SEC16B: variants seen among roughly 807,000 people sequenced by gnomAD.
SEC16B encodes the protein SEC16 homolog B, endoplasmic reticulum export factor.
In SEC16B, 115 loss-of-function variants were observed where a neutral mutation model predicts 141.8. The ratio of observed to expected loss-of-function variants is 0.81; its 90% CI spans 0.70 to 0.95. The LOEUF is 0.95. Among genes scored for constraint, SEC16B ranks in the 40% least tolerant of loss-of-function variants. SEC16B has a pLI of 0.00. For synonymous variants in SEC16B, 493 were observed against 492.5 expected (o/e 1.00, Z -0.01); for missense variants, 1,291 against 1,312.3 (o/e 0.98, Z 0.25).
chr1:177,951,230 C>T (rs1275096608), intron 12 of SEC16B, among the ~76,000 whole-genome samples: 1 of 152,004 alleles, frequency 6.6e-6, no homozygotes, highest in Non-Finnish European at 1.5e-5. Flanking sequence ...TGAACTCTAA[C>T]ATATGAATGT....
Position 177,960,411 on chromosome 1 carries a change from A to T in SEC16B, c.937-8T>A. On this transcript the variant is annotated splice_region_variant and splice_polypyrimidine_tract_variant and intron_variant, in intron 7 of 25. Coordinates refer to ENST00000308284, the MANE Select transcript of SEC16B (RefSeq NM_033127.4). The stretch of plus-strand genomic sequence containing the variant: ...GGAATCATTAAGAATAACCTGGAAT[A>T]AAACAATCAGATTTTGTGTTTAAGA... The T allele has an allele frequency of 1.3e-6, 2 of 1,582,376 alleles. No individual in the cohort carries two copies. The highest frequency in any genetic ancestry group is 3.5e-5 in the Admixed American group (2 of 57,156).
At chr1:177,947,771 A>AGGTGAGGGGAGGGACAGGGAGGGGC in intron 13 of SEC16B, 54 bp downstream of exon 13, 1 of 856,836 alleles carries the variant, frequency 1.2e-6, no homozygotes, top group Non-Finnish European at 1.7e-6. Flanking sequence ...CAGGGAGGGG[A>AGGTGAGGGGAGGGACAGGGAGGGGC]GGGGAGGGAA....
Position 177,964,219 on chromosome 1 carries a change from C to G in SEC16B, c.594G>C (p.Pro198=). 6.2e-7 allele frequency: 1 copy of G among 1,613,650 alleles called. No individual in the cohort carries two copies. The highest frequency in any genetic ancestry group is 2.2e-5 in the East Asian group (1 of 44,850). ...GCAGGCTCCCTGGAAACAGCTCCCC[C>G]GGCCACTCCTGTCCAGAGTTGGAAG... is the stretch of plus-strand genomic sequence containing the variant. ...SPASNSGQEW[P]GELFPGSLLA... is the part of the protein sequence containing the mutation. The change falls in exon 5 of 26, where the codon CCG becomes CCC. Residue 198 remains proline, a synonymous_variant. Transcript: ENST00000308284.
At chr1:177,955,701 G>A (rs1652548547) in intron 10 of SEC16B, among the ~76,000 whole-genome samples, 2 of 152,176 alleles carry the variant, frequency 1.3e-5, no homozygotes, top group African/African-American at 4.8e-5. Flanking sequence ...TGGTGAGAAT[G>A]TATGAAAACA....
rs966148401 is a variant in SEC16B at position 177,935,785 on chromosome 1, G to A, written c.2571+513C>T. Among the ~76,000 whole-genome samples, 10 of 152,144 alleles carry A rather than the reference G, an allele frequency of 6.6e-5. 1 individual carries two copies. Among genetic ancestry groups the A allele is most frequent in the Admixed American group, 6.5e-4 (10 of 15,282 alleles). On this transcript the variant is annotated intron_variant, in intron 20 of 25. Coordinates refer to ENST00000308284, the MANE Select transcript of SEC16B (RefSeq NM_033127.4). ...AAGCTGAAGAACGCCTCAGGTTTGG[G>A]ACCAACACTGCCCATTGCTGAGGGC...
At position 177,960,793 on chromosome 1, in the gene SEC16B, C is replaced by T. The variant is rs1334821616; in HGVS notation, c.934G>A (p.Glu312Lys). 6.2e-7 allele frequency: 1 copy of T among 1,609,440 alleles called. No individual in the cohort carries two copies. The highest frequency in any genetic ancestry group is 2.2e-5 in the East Asian group (1 of 44,702). Residue 312 changes from glutamate to lysine, a missense_variant and splice_region_variant, in exon 7 of 26, where the codon GAG becomes AAG. This residue lies in a region of SEC16B where 681 missense variants were observed against 675.5 expected (regional missense o/e 1.01). Transcript: ENST00000308284. ...CAGGGACACTGGGTCTTCTTTACCT[C>T]CATGCTGTGCAGTTCAACAAGGGCT... is the stretch of plus-strand genomic sequence containing the variant. The part of the protein sequence containing the change: ...QAALVELHSM[E>K]VILNDSEEQE...
intron 11 of SEC16B, among the ~76,000 whole-genome samples, chr1:177,953,220 G>C (rs566913246): frequency 1.5e-3 from 225 of 152,094 alleles, no homozygotes; most frequent in African/African-American, 5.2e-3. Context: ...TGGCCAAGCT[G>C]GTCTTGGACT....
chr1:177,963,170 A>G (rs1217291845), intron 5 of SEC16B, among the ~76,000 whole-genome samples: 1 of 151,972 alleles, frequency 6.6e-6, no homozygotes, highest in African/African-American at 2.4e-5. Flanking sequence ...GTACATATGT[A>G]TGTGGCTGCT....
At chr1:177,939,995 C>T (rs895699956) in intron 17 of SEC16B, among the ~76,000 whole-genome samples, 1 of 152,104 alleles carries the variant, frequency 6.6e-6, no homozygotes, top group Non-Finnish European at 1.5e-5. Context: ...AGTCATCCAC[C>T]CTCCCCTGAA....
At position 177,937,532 on chromosome 1, in the gene SEC16B, G is replaced by A. The variant is rs774449697; in HGVS notation, c.2204-19C>T. The A allele has an allele frequency of 2.7e-6, 4 of 1,491,408 alleles. No homozygotes were observed. Among genetic ancestry groups the A allele is most frequent in the Non-Finnish European group, 3.6e-6 (4 of 1,119,650 alleles). 92.4% of individuals were successfully genotyped at this position (1,491,408 alleles called of 1,614,324 possible). A position where few individuals can be genotyped will look rare whatever the true frequency, so the allele number is the denominator to read the frequency against. On this transcript the variant is annotated intron_variant, in intron 18 of 25. Transcript: ENST00000308284. ...GTGTTTTCTAAGGACGTGGAACAAA[G>A]GTAAAGAAGTCAGACCTGAAATGCG...
intron 12 of SEC16B, among the ~76,000 whole-genome samples, chr1:177,949,700 G>A (rs1332115709): frequency 6.6e-6 from 1 of 152,060 alleles, no homozygotes; most frequent in Non-Finnish European, 1.5e-5. Flanking sequence ...AAGACACAAA[G>A]CCAAGTTCCC....
chr1:177,972,718 G>A (rs1331124396), upstream of SEC16B, among the ~76,000 whole-genome samples: 2 of 152,188 alleles, frequency 1.3e-5, no homozygotes, highest in South Asian at 4.1e-4. Context: ...AAGAGTAACT[G>A]CCTGCTGTGA....
intron 15 of SEC16B, among the ~76,000 whole-genome samples, 179 bp downstream of exon 15, chr1:177,944,382 A>C (rs969539421): frequency 2.0e-5 from 3 of 152,200 alleles, no homozygotes; most frequent in Admixed American, 2.0e-4. Flanking sequence ...CATATTATAA[A>C]ATACAGACCT....
rs750720964 is a variant in SEC16B, at chr1:177,932,778, T to C, written c.2852A>G (p.Gln951Arg). 5 of 1,612,792 alleles carry C rather than the reference T, an allele frequency of 3.1e-6. No homozygotes were observed. The highest frequency in any genetic ancestry group is 1.7e-5 in the Admixed American group (1 of 59,906). ...TGTCAGTGAGAGGCCCAGGCCAGCC[T>C]GGTGGGGAGAAGATGCTCTGGGGGT... The part of the protein sequence containing the change: ...EETPRASSPH[Q>R]AGLGLSLTPS... The change falls in exon 23 of 26, where the codon CAG (glutamine) becomes CGG (arginine). Residue 951 changes from glutamine (Q) to arginine (R), a missense_variant. Coordinates refer to ENST00000308284, the MANE Select transcript of SEC16B (RefSeq NM_033127.4).
chr1:177,976,189 C>T (rs1331344294), intron 1 of SEC16B, among the ~76,000 whole-genome samples: 14 of 152,244 alleles, frequency 9.2e-5, no homozygotes, highest in Non-Finnish European at 1.8e-4. Context: ...TCCACCTCTG[C>T]TGCCAAGAGC....
At chr1:177,953,410 G>A (rs563395670) in intron 11 of SEC16B, among the ~76,000 whole-genome samples, 51 of 152,186 alleles carry the variant, frequency 3.4e-4, no homozygotes, top group Non-Finnish European at 6.3e-4. Flanking sequence ...AGCACTAGAA[G>A]CTAAACACTT....
chr1:177,968,853 C>A (rs1263451604), intron 1 of SEC16B, among the ~76,000 whole-genome samples: 1 of 152,144 alleles, frequency 6.6e-6, no homozygotes, highest in Non-Finnish European at 1.5e-5. Context: ...GGCCATATCT[C>A]AGGATTCTTC....
rs751324621 is a variant in SEC16B at position 177,960,892 on chromosome 1, GA to G, written c.834del (p.His279MetfsTer4). 1 of 1,613,134 alleles carries G rather than the reference GA, an allele frequency of 6.2e-7. No individual in the cohort carries two copies. The highest frequency in any genetic ancestry group is 2.2e-5 in the East Asian group (1 of 44,842). ...GPKAPMKFYI[P>X]HVPVSFGPGG... Reference sequence around the variant, plus strand: ...CCTGGCCCGAAACTCACAGGAACATGAGGGATGTAGAACTTCATGGGTGCTT... The same window carrying G: ...CCTGGCCCGAAACTCACAGGAACATGGGGATGTAGAACTTCATGGGTGCTT... On this transcript the variant is annotated frameshift_variant, in exon 7 of 26. Coordinates refer to ENST00000308284, the MANE Select transcript of SEC16B (RefSeq NM_033127.4). LOFTEE classifies it high-confidence loss of function.
In SEC16B at chr1:177,967,536, A is replaced by G. The variant is rs934213821; in HGVS notation, c.299+147T>C. The G allele has an allele frequency of 1.2e-5, 9 of 742,596 alleles. No homozygotes were observed. In the African/African-American group the frequency reaches 1.6e-4, roughly 13 times the overall value. 46.0% of individuals were successfully genotyped at this position (742,596 alleles called of 1,614,324 possible). Reference sequence around the variant, plus strand: ...TCATCAAAAACAAATTTGGGAGAGGACAGGATTTAGCTAAAGCCACGTAGT... The same window carrying G: ...TCATCAAAAACAAATTTGGGAGAGGGCAGGATTTAGCTAAAGCCACGTAGT... On this transcript the variant is annotated intron_variant, in intron 2 of 25. Coordinates refer to ENST00000308284, the MANE Select transcript of SEC16B (RefSeq NM_033127.4).
Sources: gnomAD v4.1 joint callset for allele counts (sites outside exome capture counted in the v4.1 genomes callset) on GRCh38, gnomAD v4.1.1 for gene constraint, gnomAD v4.1.1 regional missense constraint, MANE v1.5 for transcripts, NCBI Gene and HGNC (gene_info 2026-07-23, HGNC 2026-07-21) for gene names.